The following TAS2R1 variants were observed in gnomAD, a reference collection of about 807,000 sequenced individuals.
TAS2R1 encodes taste 2 receptor member 1, also known as taste receptor type 2 member 1.
For missense variants in TAS2R1, 370 were observed against 353.4 expected, an observed-to-expected ratio of 1.05 and a Z score of -0.38; for synonymous variants, 141 against 134.2, an observed-to-expected ratio of 1.05 and a Z score of -0.35.
intron 1 of TAS2R1, among the ~76,000 whole-genome samples, chr5:9,683,770 T>C (rs964230262): frequency 1.3e-5 from 2 of 152,192 alleles, no homozygotes; most frequent in Non-Finnish European, 2.9e-5. Context: ...TTCTATGAGC[T>C]GGAAACTTTC....
the TAS2R1 span, among the ~76,000 whole-genome samples, chr5:9,727,575 GA>G: frequency 6.6e-6 from 1 of 152,198 alleles, no homozygotes; most frequent in Admixed American, 6.5e-5. Context: ...ACTGGAGAGA[GA>G]AGAGAAATCA....
chr5:9,694,746 G>T (rs1235477636), intron 1 of TAS2R1, among the ~76,000 whole-genome samples: 1 of 152,164 alleles, frequency 6.6e-6, no homozygotes, highest in Non-Finnish European at 1.5e-5. Context: ...AATAACTGTT[G>T]AAACAATTCC....
chr5:9,657,157 T>C (rs1740431922), intron 2 of TAS2R1, among the ~76,000 whole-genome samples: 1 of 152,142 alleles, frequency 6.6e-6, no homozygotes, highest in Admixed American at 6.5e-5. Flanking sequence ...TGTGTCTTCT[T>C]TGGGTCTGAA....
chr5:9,650,335 G>GA lies in TAS2R1; in HGVS notation c.-81+9085dup, dbSNP rs1314355972. Among the ~76,000 whole-genome samples, 3 of 152,054 alleles carry GA rather than the reference G, an allele frequency of 2.0e-5. No homozygotes were observed. The East Asian group carries it at 5.8e-4, about 29-fold the overall frequency. Reference sequence around the variant, plus strand: ...TCTGCATTTGCCCCTGAATGCTGGGGAAAAAAGGGTGTGCAGGAGGGGTGG... The same window carrying GA: ...TCTGCATTTGCCCCTGAATGCTGGGGAAAAAAAGGGTGTGCAGGAGGGGTGG... On this transcript the variant is annotated intron_variant, in intron 2 of 2. Coordinates refer to the TAS2R1 transcript ENST00000506620.
chr5:9,685,001 G>A (rs1741098811), intron 1 of TAS2R1, among the ~76,000 whole-genome samples: 1 of 152,160 alleles, frequency 6.6e-6, no homozygotes, highest in Admixed American at 6.5e-5. Flanking sequence ...GAGCACAGGA[G>A]GTATGCATGG....
the TAS2R1 span, among the ~76,000 whole-genome samples, chr5:9,847,346 T>C: frequency 6.6e-6 from 1 of 152,246 alleles, no homozygotes; most frequent in Non-Finnish European, 1.5e-5. Flanking sequence ...GGTTTCCCCC[T>C]TTTGATTTTT....
the TAS2R1 span, among the ~76,000 whole-genome samples, chr5:9,897,398 G>A: frequency 1.6e-3 from 239 of 152,288 alleles, 3 homozygotes; most frequent in East Asian, 0.022. Context: ...GCAGTGAGCC[G>A]AGATCACGCC....
At chr5:9,890,840 CA>C in the TAS2R1 span, among the ~76,000 whole-genome samples, 1 of 152,126 alleles carries the variant, frequency 6.6e-6, no homozygotes, top group African/African-American at 2.4e-5. Context: ...CACCGGATTC[CA>C]AAAACAAGGC....
chr5:9,776,271 C>T, the TAS2R1 span, among the ~76,000 whole-genome samples: 8 of 152,184 alleles, frequency 5.3e-5, no homozygotes, highest in African/African-American at 1.9e-4. Context: ...CTCTCCCTCC[C>T]CCAAGTGCAT....
chr5:9,671,193 T>C (rs1740746724), intron 1 of TAS2R1, among the ~76,000 whole-genome samples: 1 of 152,166 alleles, frequency 6.6e-6, no homozygotes, highest in Admixed American at 6.5e-5. Flanking sequence ...TTGTACTGAA[T>C]GGGCAAAAGC....
the TAS2R1 span, among the ~76,000 whole-genome samples, chr5:9,880,586 C>T: frequency 6.6e-6 from 1 of 152,176 alleles, no homozygotes; most frequent in African/African-American, 2.4e-5. Flanking sequence ...CATCCCTATC[C>T]TCTATCATGT....
the TAS2R1 span, among the ~76,000 whole-genome samples, chr5:9,800,533 G>A: frequency 6.6e-6 from 1 of 152,056 alleles, no homozygotes; most frequent in Non-Finnish European, 1.5e-5. Context: ...TGTGATGGAA[G>A]ATGAATAAGA....
chr5:9,687,287 A>G (rs1741143981), intron 1 of TAS2R1, among the ~76,000 whole-genome samples: 3 of 152,224 alleles, frequency 2.0e-5, no homozygotes, highest in Admixed American at 2.0e-4. Context: ...TGTATTTATT[A>G]TCCTGTAGTG....
chr5:9,768,128 C>G, the TAS2R1 span, among the ~76,000 whole-genome samples: 2 of 152,202 alleles, frequency 1.3e-5, no homozygotes, highest in South Asian at 4.2e-4. Context: ...TCCATCCTTA[C>G]GTTCCCCACA....
In TAS2R1 at chr5:9,629,172, A is replaced by T. The variant is rs1377080871; in HGVS notation, c.861T>A (p.Asn287Lys). The change falls in exon 1 of 1, where the codon AAT (asparagine) becomes AAA (lysine). Residue 287 changes from asparagine to lysine, a missense_variant. Coordinates refer to ENST00000382492, the MANE Select transcript of TAS2R1 (RefSeq NM_019599.3). ...LILGNPKLKQ[N>K]AKKFLLHSKC... is the part of the protein sequence containing the mutation. ...TACTGTGGAGGAGGAACTTTTTTGC[A>T]TTTTGTTTCAATTTAGGATTTCCTA... The T allele has an allele frequency of 1.5e-5, 24 of 1,582,696 alleles. No homozygotes were observed. In the Admixed American group the frequency reaches 3.1e-4, roughly 20 times the overall value.
At chr5:9,843,151 C>T in the TAS2R1 span, among the ~76,000 whole-genome samples, 1 of 152,128 alleles carries the variant, frequency 6.6e-6, no homozygotes, top group Non-Finnish European at 1.5e-5. Context: ...AGAAGTAGCT[C>T]ACAGAATGTT....
At chr5:9,700,525 A>G (rs2126524760) in intron 1 of TAS2R1, among the ~76,000 whole-genome samples, 1 of 152,240 alleles carries the variant, frequency 6.6e-6, no homozygotes, top group Middle Eastern at 3.4e-3. Flanking sequence ...CAGAAAAGAG[A>G]GATTAGGAAG....
intron 1 of TAS2R1, among the ~76,000 whole-genome samples, chr5:9,662,841 T>A (rs571832795): frequency 2.0e-5 from 3 of 152,346 alleles, no homozygotes; most frequent in Admixed American, 6.5e-5. Flanking sequence ...GTTCCAGAGA[T>A]AATGATATAA....
At chr5:9,886,499 T>C in the TAS2R1 span, among the ~76,000 whole-genome samples, 1 of 151,316 alleles carries the variant, frequency 6.6e-6, no homozygotes, top group African/African-American at 2.4e-5. Flanking sequence ...GCCCAGATAA[T>C]TTTTTTGTAT....
Sources: allele counts gnomAD v4.1 joint callset (sites outside exome capture counted in the v4.1 genomes callset), GRCh38; gene constraint gnomAD v4.1.1; transcripts MANE v1.5; gene names NCBI Gene and HGNC (gene_info 2026-07-23, HGNC 2026-07-21).